Variants in ADCY3 observed in about 807,000 individuals in gnomAD.
The protein encoded by ADCY3 is adenylate cyclase 3.
In ADCY3, 70 loss-of-function variants were observed where a neutral mutation model predicts 119.4. That is an observed-to-expected ratio of 0.59 (90% CI 0.48 to 0.72). The LOEUF (loss-of-function observed/expected upper bound fraction) is 0.72, where lower values mean the gene tolerates loss of function less well. Ranked by LOEUF, ADCY3 falls within the 30% of genes least tolerant of loss-of-function variation. The pLI, the probability that ADCY3 is intolerant of heterozygous loss-of-function variation, is 0.00. For missense variants in ADCY3, 1,238 were observed against 1,541.6 expected (o/e 0.80, Z 3.30); for synonymous variants, 672 against 621.4 (o/e 1.08, Z -1.21).
At chr2:24,868,874 A>T (rs1674630735) in intron 3 of ADCY3, among the ~76,000 whole-genome samples, 2 of 151,828 alleles carry the variant, frequency 1.3e-5, no homozygotes, top group South Asian at 4.2e-4. Flanking sequence ...ATACAAAAAA[A>T]TTAGCCGGGC....
intron 2 of ADCY3, among the ~76,000 whole-genome samples, chr2:24,916,144 A>G (rs548168889): frequency 1.3e-4 from 20 of 152,056 alleles, no homozygotes; most frequent in Middle Eastern, 3.4e-3. Context: ...CTTGATTTCT[A>G]TCTTTTTTTT....
chr2:24,878,098 G>T lies in ADCY3; in HGVS notation c.676-5379C>A. On this transcript the variant is annotated intron_variant, in intron 2 of 21. Coordinates refer to ENST00000679454, the MANE Select transcript of ADCY3 (RefSeq NM_004036.5). This position sits in a 1 kb window ranked among gnomAD's most constrained non-coding sequence, Gnocchi z 4.0. Reference sequence around the variant, plus strand: ...GTTTCTTAATCCTAAAGTTTTCCTGGAAATAACTTATTTCAAAAGAATTGT... The same window carrying T: ...GTTTCTTAATCCTAAAGTTTTCCTGTAAATAACTTATTTCAAAAGAATTGT... 1 of 255,646 alleles carries T rather than the reference G, an allele frequency of 3.9e-6. No homozygotes were observed. The highest frequency in any genetic ancestry group is 8.4e-6 in the Non-Finnish European group (1 of 118,592). 15.8% of individuals were successfully genotyped at this position (255,646 alleles called of 1,614,324 possible). A position where few individuals can be genotyped will look rare whatever the true frequency, so the allele number is the denominator to read the frequency against.
At position 24,918,339 on chromosome 2, in the gene ADCY3, GCTC is replaced by G; in HGVS notation, c.646_648del (p.Glu216del). The stretch of plus-strand genomic sequence containing the variant: ...TCCCGCAGCAGCTGCATCCCCTTGA[GCTC>G]CTCCTGCTGCTGCTGGGCCACGGTG... On this transcript the variant is annotated inframe_deletion, in exon 2 of 22. Coordinates refer to ENST00000679454, the MANE Select transcript of ADCY3 (RefSeq NM_004036.5). This position sits in a 1 kb window ranked among gnomAD's most constrained non-coding sequence, Gnocchi z 5.4. 1 of 1,590,286 alleles carries G rather than the reference GCTC, an allele frequency of 6.3e-7. No homozygotes were observed. The highest frequency in any genetic ancestry group is 8.6e-7 in the Non-Finnish European group (1 of 1,167,670).
At chr2:24,830,586 G>C in intron 13 of ADCY3, 123 bp downstream of exon 13, 1 of 714,260 alleles carries the variant, frequency 1.4e-6, no homozygotes, top group South Asian at 1.8e-5. Flanking sequence ...GGGAACCTAA[G>C]AGCCACTCCA....
At chr2:24,862,773 C>T (rs916638535) in intron 3 of ADCY3, among the ~76,000 whole-genome samples, 43 of 152,004 alleles carry the variant, frequency 2.8e-4, no homozygotes, top group African/African-American at 8.4e-4. Context: ...ATTTATAATA[C>T]CATATTCATT....
intron 2 of ADCY3, among the ~76,000 whole-genome samples, chr2:24,883,681 T>C (rs1003920266): frequency 3.9e-5 from 6 of 152,218 alleles, no homozygotes; most frequent in African/African-American, 1.4e-4. Flanking sequence ...TTTCTGAAAC[T>C]AACTTTAGAT....
At chr2:24,829,164 G>C (rs1445788507) in intron 13 of ADCY3, among the ~76,000 whole-genome samples, 1 of 151,698 alleles carries the variant, frequency 6.6e-6, no homozygotes, top group South Asian at 2.1e-4. Flanking sequence ...TTACAGGCTC[G>C]TGCCATTGTG....
chr2:24,838,867 T>C, intron 7 of ADCY3: 1 of 1,603,038 alleles, frequency 6.2e-7, no homozygotes, highest in Non-Finnish European at 8.5e-7. Context: ...GCCTCAGTGT[T>C]GGAGCCACGA....
intron 3 of ADCY3, among the ~76,000 whole-genome samples, chr2:24,855,409 G>C (rs1469864062): frequency 2.0e-5 from 3 of 152,190 alleles, no homozygotes; most frequent in Non-Finnish European, 4.4e-5. Context: ...CCCATTCCCA[G>C]AAACCGAGAG....
intron 2 of ADCY3, among the ~76,000 whole-genome samples, chr2:24,908,445 G>A (rs947363291): frequency 2.0e-5 from 3 of 152,178 alleles, no homozygotes; most frequent in African/African-American, 7.2e-5. Context: ...CTTTCACAAT[G>A]AAGAAAAAGA....
At chr2:24,824,821 C>T (rs1417122579) in intron 16 of ADCY3, among the ~76,000 whole-genome samples, 3 of 152,218 alleles carry the variant, frequency 2.0e-5, no homozygotes, top group East Asian at 3.9e-4. Flanking sequence ...ACCCAGGAGG[C>T]AGAGGTTGCA....
intron 2 of ADCY3, among the ~76,000 whole-genome samples, chr2:24,873,203 A>G (rs1675245283): frequency 6.6e-6 from 1 of 152,220 alleles, no homozygotes; most frequent in Admixed American, 6.5e-5. Flanking sequence ...TAATCCTAAA[A>G]GCTCAGATGG....
intron 2 of ADCY3, among the ~76,000 whole-genome samples, chr2:24,893,339 C>G (rs983412522): frequency 1.3e-5 from 2 of 151,994 alleles, no homozygotes; most frequent in African/African-American, 2.4e-5. Flanking sequence ...CTGCTGCACT[C>G]CAGCCTGGGC....
chr2:24,887,901 C>G (rs1170029149), intron 2 of ADCY3, among the ~76,000 whole-genome samples: 1 of 152,168 alleles, frequency 6.6e-6, no homozygotes, highest in Admixed American at 6.5e-5. Context: ...CTAAGTGTTA[C>G]CTATTATTGT....
intron 2 of ADCY3, among the ~76,000 whole-genome samples, chr2:24,903,223 T>C (rs1438990141): frequency 6.6e-6 from 1 of 152,088 alleles, no homozygotes; most frequent in Non-Finnish European, 1.5e-5. Context: ...CCTGTGTGGT[T>C]CAAGGGTCAA....
At chr2:24,883,880 C>T (rs1676700647) in intron 2 of ADCY3, among the ~76,000 whole-genome samples, 1 of 152,198 alleles carries the variant, frequency 6.6e-6, no homozygotes, top group African/African-American at 2.4e-5. Flanking sequence ...ACACAGCAAA[C>T]TCTTTGGATT....
At chr2:24,824,003 G>A (rs181582982) in intron 17 of ADCY3, among the ~76,000 whole-genome samples, 1 of 152,238 alleles carries the variant, frequency 6.6e-6, no homozygotes, top group Non-Finnish European at 1.5e-5. Context: ...CCACTACTTT[G>A]AATAAATTTT....
chr2:24,820,685 C>A (rs760683528), intron 21 of ADCY3, 39 bp downstream of exon 21: 2 of 1,612,050 alleles, frequency 1.2e-6, no homozygotes, highest in South Asian at 1.1e-5. Context: ...TGTTCTCATG[C>A]CGAGTCTGAG....
Position 24,918,949 on chromosome 2 carries a change from C to G in ADCY3, c.39G>C (p.Ser13=), listed in dbSNP as rs377377499. Residue 13 remains serine (S), a synonymous_variant, in exon 2 of 22, where the codon TCG becomes TCC. Coordinates refer to ENST00000679454, the MANE Select transcript of ADCY3 (RefSeq NM_004036.5). The surrounding 1 kb of genome is among the most constrained non-coding windows in gnomAD (Gnocchi z 5.4). ...CGGAGTACTCGGCTGAGTACTCGGC[C>G]GAGTATTCGGGCTCGGAGAAGCCCT... is the stretch of plus-strand genomic sequence containing the variant. ...RNQGFSEPEY[S]AEYSAEYSVS... 10 of 1,607,100 alleles carry G rather than the reference C, an allele frequency of 6.2e-6. No homozygotes were observed. The South Asian group carries it at 1.1e-4, about 18-fold the overall frequency.
Sources: allele counts gnomAD v4.1 joint callset (sites outside exome capture counted in the v4.1 genomes callset), GRCh38; gene constraint gnomAD v4.1.1; non-coding constraint Gnocchi (gnomAD v3.1); transcripts MANE v1.5; gene names NCBI Gene and HGNC (gene_info 2026-07-23, HGNC 2026-07-21).